DIP2C: variants seen among roughly 807,000 people sequenced by gnomAD.
The protein encoded by DIP2C is DIP2 acetate--CoA ligase C (putative).
In DIP2C, 33 loss-of-function variants were observed where a neutral mutation model predicts 192.4. The observed-to-expected ratio is 0.17, with a 90% CI of 0.13 to 0.23. DIP2C has a LOEUF of 0.23. Ranked by LOEUF, DIP2C falls within the 10% of genes least tolerant of loss-of-function variation. The pLI is 1.00. For missense variants in DIP2C, 1,537 were observed against 2,110.1 expected (o/e 0.73, Z 5.32); for synonymous variants, 979 against 864.1 (o/e 1.13, Z -2.33).
At chr10:287,622 T>G (rs1202241192) in intron 33 of DIP2C, among the ~76,000 whole-genome samples, 2 of 146,740 alleles carry the variant, frequency 1.4e-5, no homozygotes, top group Non-Finnish European at 3.0e-5. Context: ...GAGATGCTCT[T>G]AGAATTATGT....
intron 1 of DIP2C, among the ~76,000 whole-genome samples, chr10:520,677 C>G (rs990563782): frequency 2.0e-5 from 3 of 152,224 alleles, no homozygotes; most frequent in Non-Finnish European, 4.4e-5. Context: ...CCTGCACTGG[C>G]CCAGGATCTC....
intron 3 of DIP2C, among the ~76,000 whole-genome samples, chr10:464,786 G>C (rs538070145): frequency 6.6e-6 from 1 of 152,228 alleles, no homozygotes; most frequent in Admixed American, 6.5e-5. Flanking sequence ...AGAAAATCTA[G>C]AAGAAATGGA....
At chr10:564,218 C>A (rs981209183) in intron 1 of DIP2C, among the ~76,000 whole-genome samples, 1 of 152,094 alleles carries the variant, frequency 6.6e-6, no homozygotes, top group African/African-American at 2.4e-5. Flanking sequence ...ACGTTCCCCC[C>A]ACCCCCGCAC....
chr10:597,044 G>A (rs145553861), intron 1 of DIP2C, among the ~76,000 whole-genome samples: 2 of 152,336 alleles, frequency 1.3e-5, no homozygotes, highest in Non-Finnish European at 1.5e-5. Flanking sequence ...GGACTGAGTG[G>A]AGACTAAGTG....
intron 32 of DIP2C, among the ~76,000 whole-genome samples, chr10:304,591 G>A (rs1164308607): frequency 2.0e-5 from 3 of 152,094 alleles, no homozygotes; most frequent in South Asian, 2.1e-4. Context: ...ATATATGCAT[G>A]TGTGTATACT....
chr10:337,813 G>A lies in DIP2C; in HGVS notation c.3584+3386C>T, dbSNP rs1184689985. Among the ~76,000 whole-genome samples the A allele has an allele frequency of 2.2e-5, 3 of 138,400 alleles. 1 individual carries two copies. Among genetic ancestry groups the A allele is most frequent in the African/African-American group, 8.0e-5 (3 of 37,624 alleles). The allele number at this position is 138,400 out of a possible 152,430, so 90.8% of individuals were successfully genotyped here. On this transcript the variant is annotated intron_variant, in intron 29 of 36. Coordinates refer to ENST00000280886, the MANE Select transcript of DIP2C (RefSeq NM_014974.3). ...TGTGTGTGTGCACGTGTGTCGTGGA[G>A]GCCTACGCAGCTGTGTGTGTGTGTT...
rs962457558 is a variant in DIP2C at position 301,134 on chromosome 10, G to A, written c.3986+8897C>T. 4.6e-5 allele frequency among the ~76,000 whole-genome samples: 7 copies of A among 152,274 alleles called. No homozygotes were observed. The South Asian group carries it at 8.3e-4, about 18-fold the overall frequency. On this transcript the variant is annotated intron_variant, in intron 32 of 36. Coordinates refer to ENST00000280886, the MANE Select transcript of DIP2C (RefSeq NM_014974.3). ...GGTGGCCTTGCCGGGTGCCACCAGGGAACCGTGGAGACATGGGGCTTTGTC... is the reference window on the plus strand; with the variant it reads ...GGTGGCCTTGCCGGGTGCCACCAGGAAACCGTGGAGACATGGGGCTTTGTC...
At chr10:520,566 TCTCA>T (rs995517664) in intron 1 of DIP2C, among the ~76,000 whole-genome samples, 3 of 152,210 alleles carry the variant, frequency 2.0e-5, no homozygotes, top group Admixed American at 6.5e-5. Context: ...ATGAACCCTT[TCTCA>T]CTCACTGAGC....
chr10:302,062 A>G (rs899539900), intron 32 of DIP2C, among the ~76,000 whole-genome samples: 1 of 152,198 alleles, frequency 6.6e-6, no homozygotes, highest in Non-Finnish European at 1.5e-5. Context: ...AGTTGGGTTC[A>G]TGCCTGAAGA....
At chr10:670,448 T>A (rs768214915) in intron 1 of DIP2C, among the ~76,000 whole-genome samples, 22 of 152,202 alleles carry the variant, frequency 1.4e-4, no homozygotes, top group African/African-American at 5.1e-4. Context: ...CAAACAAGAA[T>A]AATCACAAAA....
chr10:387,830 G>C, intron 13 of DIP2C, 21 bp from the exon 14 acceptor site: 1 of 1,614,130 alleles, frequency 6.2e-7, no homozygotes, highest in African/African-American at 1.3e-5. Context: ...GAGGGAGTCA[G>C]GAGATTTTTA....
At chr10:329,949 T>TA (rs949118522) in intron 29 of DIP2C, among the ~76,000 whole-genome samples, 112 of 146,838 alleles carry the variant, frequency 7.6e-4, no homozygotes, top group South Asian at 2.0e-3. Flanking sequence ...AATTTCGGTT[T>TA]AAAAAAAAAA....
intron 34 of DIP2C, 134 bp from the exon 35 acceptor site, chr10:283,580 G>T: frequency 8.9e-7 from 1 of 1,118,016 alleles, no homozygotes; most frequent in East Asian, 2.5e-5. Context: ...TAACCAAGAT[G>T]ATGTTAATCT....
chr10:472,253 C>G (rs556587690), intron 3 of DIP2C, among the ~76,000 whole-genome samples, 186 bp downstream of exon 3: 1 of 152,202 alleles, frequency 6.6e-6, no homozygotes, highest in African/African-American at 2.4e-5. Context: ...TTGTAAACCA[C>G]GTGAAGAGCT....
At chr10:668,893 G>C (rs1271210090) in intron 1 of DIP2C, 1 of 152,020 alleles carries the variant, frequency 6.6e-6, no homozygotes, top group Non-Finnish European at 1.5e-5. Flanking sequence ...CTTTGGTGTG[G>C]GGTGCTCCAA....
rs554528398 is a variant in DIP2C at position 363,388 on chromosome 10, T to G, written c.2478-77A>C. On this transcript the variant is annotated intron_variant, in intron 20 of 36. Coordinates refer to ENST00000280886, the MANE Select transcript of DIP2C (RefSeq NM_014974.3). This position sits in a 1 kb window ranked among gnomAD's most constrained non-coding sequence, Gnocchi z 5.4. ...CCTCCCTCCGCCATCAGGGGCTCCATAACCATCACTAGTGAGTGACACAGC... is the reference window on the plus strand; with the variant it reads ...CCTCCCTCCGCCATCAGGGGCTCCAGAACCATCACTAGTGAGTGACACAGC... The G allele has an allele frequency of 1.6e-6, 2 of 1,247,482 alleles. No homozygotes were observed. Among genetic ancestry groups the G allele is most frequent in the East Asian group, 4.8e-5 (2 of 42,036 alleles). The allele number at this position is 1,247,482 out of a possible 1,614,324, so 77.3% of individuals were successfully genotyped here. A position where few individuals can be genotyped will look rare whatever the true frequency, so the allele number is the denominator to read the frequency against.
At chr10:290,282 T>C (rs1955423428) in intron 32 of DIP2C, among the ~76,000 whole-genome samples, 1 of 152,214 alleles carries the variant, frequency 6.6e-6, no homozygotes, top group Non-Finnish European at 1.5e-5. Flanking sequence ...AACACGCCGA[T>C]AGGCTTGATG....
intron 1 of DIP2C, among the ~76,000 whole-genome samples, chr10:658,938 T>G (rs1856579591): frequency 6.6e-6 from 1 of 152,188 alleles, no homozygotes; most frequent in African/African-American, 2.4e-5. Context: ...AATGTGCATA[T>G]GCATGCATGC....
Position 419,127 on chromosome 10 carries a change from C to A in DIP2C, c.677G>T (p.Gly226Val), listed in dbSNP as rs1965999400. 1 of 1,614,274 alleles carries A rather than the reference C, an allele frequency of 6.2e-7. No homozygotes were observed. ...GGGCGCTGTCCGGGACCCCGTGGAA[C>A]CCTGCGGTCTCTCCACCTGTATCGA... ...EHSIQVERPQ[G>V]STGSRTAPKY... The change falls in exon 6 of 37, where the codon GGT (glycine) becomes GTT (valine). Residue 226 changes from glycine (G) to valine (V), a missense_variant. By Grantham distance (109) the Gly-to-Val change is moderately radical. Transcript: ENST00000280886.
Sources: allele counts gnomAD v4.1 joint callset (sites outside exome capture counted in the v4.1 genomes callset), GRCh38; gene constraint gnomAD v4.1.1; non-coding constraint Gnocchi (gnomAD v3.1); transcripts MANE v1.5; gene names NCBI Gene and HGNC (gene_info 2026-07-23, HGNC 2026-07-21).